The following AUH variants were observed in gnomAD, a reference collection of about 807,000 sequenced individuals.
AUH encodes the protein AU RNA binding methylglutaconyl-CoA hydratase.
In AUH, 29 loss-of-function variants were observed where a neutral mutation model predicts 42.3. That is an observed-to-expected ratio of 0.69 (90% confidence interval 0.51 to 0.93). The LOEUF is 0.93. AUH is among the 40% of genes least tolerant of loss of function. AUH has a pLI of 0.00. For missense variants in AUH, 452 were observed against 438.1 expected (o/e 1.03, Z -0.28); for synonymous variants, 174 against 166.4 (o/e 1.05, Z -0.35).
Position 91,214,365 on chromosome 9 carries a change from G to T in AUH, c.1003C>A (p.Arg335Ser), listed in dbSNP as rs772918339. 3 of 1,609,766 alleles carry T rather than the reference G, an allele frequency of 1.9e-6. No homozygotes were observed. Among genetic ancestry groups the T allele is most frequent in the Non-Finnish European group, 1.7e-6 (2 of 1,177,830 alleles). Residue 335 changes from arginine to serine, a missense_variant, in exon 10 of 10, where the codon CGC becomes AGC. Arg to Ser is a moderately radical substitution (Grantham distance 110). Coordinates refer to ENST00000375731, the MANE Select transcript of AUH (RefSeq NM_001698.3). ...TGTTCCTTTTATTCTCCTTTATAGC[G>T]AGGGGGCCTTTTCTCTTTAAAAGCA... is the stretch of plus-strand genomic sequence containing the variant. ...LLAFKEKRPP[R>S]YKGE
At chr9:91,296,980 G>A (rs1015302953) in intron 5 of AUH, among the ~76,000 whole-genome samples, 10 of 152,356 alleles carry the variant, frequency 6.6e-5, no homozygotes, top group African/African-American at 1.7e-4. Context: ...CATCAGAAAC[G>A]ATAATGGAAA....
chr9:91,293,536 TTAACTA>T (rs1008596099), intron 6 of AUH, among the ~76,000 whole-genome samples: 11 of 152,226 alleles, frequency 7.2e-5, no homozygotes, highest in Non-Finnish European at 1.2e-4. Context: ...CTAACTCTCT[TTAACTA>T]TAACTCTTAA....
intron 4 of AUH, among the ~76,000 whole-genome samples, chr9:91,311,475 T>C (rs1828697521): frequency 6.6e-6 from 1 of 152,258 alleles, no homozygotes; most frequent in Non-Finnish European, 1.5e-5. Flanking sequence ...AATTCTGTAA[T>C]CTAAAATTCT....
At chr9:91,299,722 G>A (rs1293407196) in intron 4 of AUH, among the ~76,000 whole-genome samples, 1 of 152,164 alleles carries the variant, frequency 6.6e-6, no homozygotes, top group Admixed American at 6.5e-5. Flanking sequence ...AAGTTAAACT[G>A]AGTCCTTCCC....
At position 91,297,986 on chromosome 9, in the gene AUH, G is replaced by C. The variant is rs1827480801; in HGVS notation, c.596C>G (p.Ala199Gly). ...TTTTTAACAGGATTAATTCTTACCT[G>C]CTACTCGTATATCACAGGCTAAAGC... is the stretch of plus-strand genomic sequence containing the variant. ...ELALACDIRV[A>G]ASSAKMGLVE... Residue 199 changes from alanine (A) to glycine (G), a missense_variant and splice_region_variant, in exon 5 of 10, where the codon GCA becomes GGA. Coordinates refer to ENST00000375731, the MANE Select transcript of AUH (RefSeq NM_001698.3). 3.8e-6 allele frequency: 6 copies of C among 1,598,256 alleles called. No homozygotes were observed. In the East Asian group the frequency reaches 1.3e-4, roughly 36 times the overall value.
chr9:91,280,721 C>G (rs1020394707), intron 6 of AUH, among the ~76,000 whole-genome samples: 1 of 152,192 alleles, frequency 6.6e-6, no homozygotes. Flanking sequence ...AATATACACA[C>G]TGAGGACTTA....
At chr9:91,268,005 C>T (rs1223722644) in intron 6 of AUH, among the ~76,000 whole-genome samples, 2 of 152,160 alleles carry the variant, frequency 1.3e-5, no homozygotes, top group Non-Finnish European at 2.9e-5. Flanking sequence ...CTACGGGCTG[C>T]TCTGGTCTTC....
chr9:91,336,454 AC>A (rs1830694282), intron 3 of AUH, among the ~76,000 whole-genome samples: 2 of 151,910 alleles, frequency 1.3e-5, no homozygotes, highest in South Asian at 4.1e-4. Flanking sequence ...ACATGGCAAA[AC>A]CCTGTCTCTA....
rs1476003613 is a variant in AUH at position 91,222,588 on chromosome 9, C to T, written c.656-1596G>A. Among the ~76,000 whole-genome samples the T allele has an allele frequency of 3.3e-5, 5 of 152,104 alleles. No homozygotes were observed. In the East Asian group the frequency reaches 7.7e-4, roughly 23 times the overall value. On this transcript the variant is annotated intron_variant, in intron 6 of 9. Coordinates refer to ENST00000375731, the MANE Select transcript of AUH (RefSeq NM_001698.3). ...TATTGACAAATTTAAATTTAACTTTCGACAATGATGTTGCTCAGTGTAGTA... is the reference window on the plus strand; with the variant it reads ...TATTGACAAATTTAAATTTAACTTTTGACAATGATGTTGCTCAGTGTAGTA...
In AUH at chr9:91,213,934, G is replaced by C. The variant is rs771328083; in HGVS notation, c.*414C>G. The C allele has an allele frequency of 1.2e-5, 2 of 168,478 alleles. No individual in the cohort carries two copies. The highest frequency in any genetic ancestry group is 2.6e-5 in the Non-Finnish European group (2 of 77,154). The allele number at this position is 168,478 out of a possible 1,614,324, so 10.4% of individuals were successfully genotyped here. On this transcript the variant is annotated 3_prime_UTR_variant, in exon 10 of 10. Transcript: ENST00000375731. ...GCTGTTCGTATGCATTAATCACTTA[G>C]AAACTTTATTTGGTATAACTTCACA...
intron 6 of AUH, among the ~76,000 whole-genome samples, chr9:91,284,498 A>G (rs530167457): frequency 6.6e-6 from 1 of 152,360 alleles, no homozygotes; most frequent in South Asian, 2.1e-4. Flanking sequence ...CTGCACAGCA[A>G]AAGAAACTGC....
rs532780219 is a variant in AUH at position 91,275,424 on chromosome 9, C to T, written c.655+20597G>A. Among the ~76,000 whole-genome samples the T allele has an allele frequency of 4.6e-5, 7 of 152,308 alleles. No individual in the cohort carries two copies. In the South Asian group the frequency reaches 1.2e-3, roughly 27 times the overall value. On this transcript the variant is annotated intron_variant, in intron 6 of 9. Transcript: ENST00000375731. The stretch of plus-strand genomic sequence containing the variant: ...ATTCTTGGACCTGTGAAAAATTAAT[C>T]TTAGAGGAGCTCTATGGTGATTTCT...
chr9:91,327,585 C>T (rs1235181128), intron 3 of AUH, among the ~76,000 whole-genome samples: 10 of 152,188 alleles, frequency 6.6e-5, no homozygotes, highest in Admixed American at 6.5e-4. Flanking sequence ...CTCTGCCTTA[C>T]TCACTCTCTG....
At chr9:91,221,038 A>C in intron 6 of AUH, 46 bp from the exon 7 acceptor site, 2 of 1,589,834 alleles carry the variant, frequency 1.3e-6, no homozygotes, top group Non-Finnish European at 1.7e-6. Flanking sequence ...GACACCTGTT[A>C]GTTTTAACAC....
intron 3 of AUH, among the ~76,000 whole-genome samples, chr9:91,331,285 C>T (rs1439504534): frequency 2.0e-5 from 3 of 152,098 alleles, no homozygotes; most frequent in Non-Finnish European, 4.4e-5. Context: ...TCACAATATT[C>T]GATGTCATAA....
chr9:91,245,120 G>C (rs1443917362), intron 6 of AUH, among the ~76,000 whole-genome samples: 1 of 152,198 alleles, frequency 6.6e-6, no homozygotes, highest in Non-Finnish European at 1.5e-5. Flanking sequence ...CAACGAGAGA[G>C]GAAGTGACAC....
intron 6 of AUH, among the ~76,000 whole-genome samples, chr9:91,248,947 A>G (rs1262129146): frequency 3.3e-5 from 5 of 152,202 alleles, no homozygotes; most frequent in Non-Finnish European, 7.3e-5. Context: ...CTAGGCTTCT[A>G]TGTTTGCAGT....
At chr9:91,224,509 C>T (rs1034089498) in intron 6 of AUH, among the ~76,000 whole-genome samples, 1 of 152,094 alleles carries the variant, frequency 6.6e-6, no homozygotes, top group African/African-American at 2.4e-5. Flanking sequence ...GGTGTCATAT[C>T]CAAGAAATTA....
chr9:91,311,719 T>C (rs958213652), intron 4 of AUH, among the ~76,000 whole-genome samples: 2 of 152,172 alleles, frequency 1.3e-5, no homozygotes, highest in Admixed American at 6.5e-5. Context: ...GTGCACAATA[T>C]GGGTCCCAAT....
Sources: allele counts gnomAD v4.1 joint callset (sites outside exome capture counted in the v4.1 genomes callset), GRCh38; gene constraint gnomAD v4.1.1; transcripts MANE v1.5; gene names NCBI Gene and HGNC (gene_info 2026-07-23, HGNC 2026-07-21).